The following ANO10 variants were observed in gnomAD, a reference collection of about 807,000 sequenced individuals.
The protein encoded by ANO10 is anoctamin 10.
ANO10 carries 77 observed loss-of-function variants against 74.7 expected under a neutral mutation model. That is an observed-to-expected ratio of 1.03 (90% CI 0.86 to 1.25). The LOEUF is 1.25. Ranked by LOEUF, ANO10 falls within the 50% of genes most tolerant of loss-of-function variation. ANO10 has a pLI of 0.00. For synonymous variants in ANO10, 279 were observed against 284.9 expected, an observed-to-expected ratio of 0.98 and a Z score of 0.21; for missense variants, 721 against 778.1, an observed-to-expected ratio of 0.93 and a Z score of 0.87.
chr3:43,690,902 C>G (rs886058487), intron 1 of ANO10: 21 of 1,388,738 alleles, frequency 1.5e-5, no homozygotes, highest in Non-Finnish European at 2.0e-5. Flanking sequence ...TGGCGGCCTG[C>G]GCCGCCTTAA....
At chr3:43,374,391 A>T (rs2091726026) in intron 12 of ANO10, among the ~76,000 whole-genome samples, 1 of 152,198 alleles carries the variant, frequency 6.6e-6, no homozygotes, top group Non-Finnish European at 1.5e-5. Flanking sequence ...CCACCCTATG[A>T]GAGACATACC....
intron 11 of ANO10, among the ~76,000 whole-genome samples, chr3:43,446,461 C>A (rs981487591): frequency 6.6e-6 from 1 of 152,178 alleles, no homozygotes; most frequent in South Asian, 2.1e-4. Context: ...AAAAGAGTTA[C>A]AACTTTTTAT....
intron 11 of ANO10, among the ~76,000 whole-genome samples, chr3:43,539,459 T>C (rs926608137): frequency 6.6e-5 from 10 of 152,184 alleles, no homozygotes; most frequent in African/African-American, 2.4e-4. Flanking sequence ...GAAAGGAAAG[T>C]TAACTGTCAT....
intron 11 of ANO10, among the ~76,000 whole-genome samples, chr3:43,460,705 C>T (rs1337551813): frequency 6.6e-6 from 1 of 152,138 alleles, no homozygotes; most frequent in African/African-American, 2.4e-5. Flanking sequence ...AGACACACAG[C>T]TATGCACATA....
chr3:43,434,241 G>A (rs1484529193), intron 11 of ANO10, among the ~76,000 whole-genome samples: 2 of 152,170 alleles, frequency 1.3e-5, no homozygotes, highest in African/African-American at 4.8e-5. Context: ...GACCAAAGAT[G>A]ACACTGGAAG....
At chr3:43,653,346 G>T (rs1021349646) in intron 1 of ANO10, among the ~76,000 whole-genome samples, 1 of 151,154 alleles carries the variant, frequency 6.6e-6, no homozygotes, top group African/African-American at 2.5e-5. Flanking sequence ...GATAGTTAAA[G>T]AAATGCCAAT....
chr3:43,428,395 T>A (rs542005798), intron 12 of ANO10, among the ~76,000 whole-genome samples: 21 of 152,130 alleles, frequency 1.4e-4, no homozygotes, highest in African/African-American at 4.6e-4. Context: ...AAGAAAAAAA[T>A]TTAGTGGAGA....
intron 1 of ANO10, among the ~76,000 whole-genome samples, chr3:43,620,009 A>T (rs1342742393): frequency 6.6e-6 from 1 of 152,236 alleles, no homozygotes; most frequent in Non-Finnish European, 1.5e-5. Context: ...TTTAACCATT[A>T]AAACAAAGGT....
intron 11 of ANO10, among the ~76,000 whole-genome samples, chr3:43,475,800 C>T (rs2076044399): frequency 6.6e-6 from 1 of 152,058 alleles, no homozygotes; most frequent in Non-Finnish European, 1.5e-5. Flanking sequence ...TGGGGTTTCA[C>T]CATGTTGGCC....
intron 1 of ANO10, among the ~76,000 whole-genome samples, chr3:43,651,994 GA>G (rs2083792903): frequency 1.3e-5 from 2 of 152,100 alleles, no homozygotes; most frequent in Admixed American, 1.3e-4. Context: ...CCTTTTTAAA[GA>G]AGATCTAAAT....
intron 11 of ANO10, among the ~76,000 whole-genome samples, chr3:43,517,365 T>C (rs2077753274): frequency 6.6e-6 from 1 of 152,182 alleles, no homozygotes; most frequent in South Asian, 2.1e-4. Flanking sequence ...CAGTCCATTA[T>C]GGTCCTACTG....
chr3:43,388,367 C>A (rs949539132), intron 12 of ANO10, among the ~76,000 whole-genome samples: 5 of 152,062 alleles, frequency 3.3e-5, no homozygotes, highest in Non-Finnish European at 4.4e-5. Flanking sequence ...CAGCATTATG[C>A]ACACACCCCA....
chr3:43,372,806 C>T lies in ANO10; in HGVS notation c.1915-5832G>A, dbSNP rs1417668051. 3 of 1,534,368 alleles carry T rather than the reference C, an allele frequency of 2.0e-6. No homozygotes were observed. The Admixed American group carries it at 5.9e-5, about 30-fold the overall frequency. On this transcript the variant is annotated intron_variant, in intron 12 of 12. Coordinates refer to ENST00000292246, the MANE Select transcript of ANO10 (RefSeq NM_018075.5). Reference sequence around the variant, plus strand: ...CAGTGCCTGGCACTGAGTTGGTGCTCCATGAATACCGTGGAAGAGAGACCA... The same window carrying T: ...CAGTGCCTGGCACTGAGTTGGTGCTTCATGAATACCGTGGAAGAGAGACCA...
chr3:43,382,473 C>T (rs1413095178), intron 12 of ANO10, among the ~76,000 whole-genome samples: 1 of 149,438 alleles, frequency 6.7e-6, no homozygotes, highest in African/African-American at 2.5e-5. Context: ...GAGCCGAGAT[C>T]GCGCCACTGC....
At chr3:43,370,971 C>T (rs1285681715) in intron 12 of ANO10, among the ~76,000 whole-genome samples, 1 of 152,156 alleles carries the variant, frequency 6.6e-6, no homozygotes, top group African/African-American at 2.4e-5. Context: ...CTTGTGATAA[C>T]CATGGTGGAC....
intron 11 of ANO10, among the ~76,000 whole-genome samples, chr3:43,450,043 A>C (rs2074788631): frequency 6.6e-6 from 1 of 152,152 alleles, no homozygotes; most frequent in African/African-American, 2.4e-5. Flanking sequence ...TTTGGAGCTA[A>C]TGTAAATGGT....
chr3:43,483,905 G>A (rs2076366383), intron 11 of ANO10, among the ~76,000 whole-genome samples: 1 of 152,158 alleles, frequency 6.6e-6, no homozygotes, highest in South Asian at 2.1e-4. Context: ...AAATGCCTGA[G>A]TTAAGTTAAG....
chr3:43,606,724 C>T (rs2082583782), intron 1 of ANO10, among the ~76,000 whole-genome samples: 1 of 151,930 alleles, frequency 6.6e-6, no homozygotes, highest in Non-Finnish European at 1.5e-5. Flanking sequence ...GAACTCTCTA[C>T]AGTACCCATC....
chr3:43,560,492 G>T (rs1191227578), intron 9 of ANO10, among the ~76,000 whole-genome samples: 1 of 152,114 alleles, frequency 6.6e-6, no homozygotes, highest in Non-Finnish European at 1.5e-5. Flanking sequence ...ACAATAATGG[G>T]CTCTCAGTAA....
Sources: allele counts gnomAD v4.1 joint callset (sites outside exome capture counted in the v4.1 genomes callset), GRCh38; gene constraint gnomAD v4.1.1; transcripts MANE v1.5; gene names NCBI Gene and HGNC (gene_info 2026-07-23, HGNC 2026-07-21).